The following FGGY variants were observed in gnomAD, a reference collection of about 807,000 sequenced individuals.
The protein encoded by FGGY is FGGY carbohydrate kinase domain-containing protein.
Under a neutral mutation model 71.3 loss-of-function variants are expected in FGGY, and 72 were observed. The observed-to-expected ratio is 1.01, with a 90% CI of 0.84 to 1.23. The LOEUF is 1.23. Among genes scored for constraint, FGGY ranks in the 50% most tolerant of loss-of-function variants. FGGY has a pLI of 0.00. For synonymous variants in FGGY, 251 were observed against 250.3 expected (o/e 1.00, Z -0.02); for missense variants, 668 against 682.3 (o/e 0.98, Z 0.23).
chr1:59,373,182 C>T (rs867311205), intron 4 of FGGY, among the ~76,000 whole-genome samples: 3,822 of 150,646 alleles, frequency 0.025, 178 homozygotes, highest in African/African-American at 0.089. Flanking sequence ...GCCCAAAATC[C>T]CCTTAAGCTG....
At chr1:59,438,407 G>T (rs565260853) in intron 5 of FGGY, among the ~76,000 whole-genome samples, 4 of 152,262 alleles carry the variant, frequency 2.6e-5, no homozygotes, top group African/African-American at 9.6e-5. Flanking sequence ...TACAAATTCT[G>T]CAGAATTAGC....
chr1:59,329,894 A>T (rs115766161), intron 2 of FGGY, among the ~76,000 whole-genome samples: 1 of 152,218 alleles, frequency 6.6e-6, no homozygotes, highest in East Asian at 1.9e-4. Flanking sequence ...ATTATACTGA[A>T]CAGCACAGAT....
intron 5 of FGGY, among the ~76,000 whole-genome samples, chr1:59,451,737 G>GT (rs775072742): frequency 1.4e-4 from 21 of 151,664 alleles, no homozygotes; most frequent in Non-Finnish European, 2.8e-4. Flanking sequence ...TGTTGAAAAT[G>GT]TTTTTTTTGC....
chr1:59,590,082 G>T (rs866398040), intron 8 of FGGY, among the ~76,000 whole-genome samples: 2 of 151,798 alleles, frequency 1.3e-5, no homozygotes, highest in Non-Finnish European at 2.9e-5. Context: ...TCAAATAGAC[G>T]CAATAAAAAA....
chr1:59,671,278 G>A (rs1445333448), intron 13 of FGGY, among the ~76,000 whole-genome samples: 2 of 152,248 alleles, frequency 1.3e-5, no homozygotes, highest in Non-Finnish European at 2.9e-5. Flanking sequence ...AGGTTAACCG[G>A]AGGGAAGTTG....
chr1:59,584,903 T>G (rs984901310), intron 8 of FGGY, among the ~76,000 whole-genome samples: 11 of 139,670 alleles, frequency 7.9e-5, no homozygotes, highest in Non-Finnish European at 1.5e-4. Context: ...AAATCTTGAG[T>G]GAACTCCCAT....
At chr1:59,596,514 G>A (rs1004073427) in intron 8 of FGGY, among the ~76,000 whole-genome samples, 1 of 151,602 alleles carries the variant, frequency 6.6e-6, no homozygotes, top group African/African-American at 2.4e-5. Context: ...GTCAGATTTG[G>A]GTCTAAGTCT....
At chr1:59,369,737 A>G (rs1325971702) in intron 4 of FGGY, among the ~76,000 whole-genome samples, 5 of 152,218 alleles carry the variant, frequency 3.3e-5, no homozygotes, top group Non-Finnish European at 7.3e-5. Context: ...ATGATCAGAC[A>G]GCAGCATTCA....
intron 14 of FGGY, among the ~76,000 whole-genome samples, chr1:59,696,677 G>A (rs1255802480): frequency 6.6e-6 from 1 of 152,258 alleles, no homozygotes; most frequent in East Asian, 1.9e-4. Context: ...TCATCTCTCT[G>A]TCTAGCCCCC....
chr1:59,410,425 G>A (rs1480736090), intron 5 of FGGY, among the ~76,000 whole-genome samples: 4 of 152,146 alleles, frequency 2.6e-5, no homozygotes, highest in South Asian at 4.1e-4. Context: ...CACACTACTA[G>A]TAAGTGGAGG....
At chr1:59,622,308 A>G (rs1572221751) in intron 9 of FGGY, among the ~76,000 whole-genome samples, 1 of 152,100 alleles carries the variant, frequency 6.6e-6, no homozygotes, top group Non-Finnish European at 1.5e-5. Flanking sequence ...GTGTTCACTA[A>G]GTGGCTTTTC....
In FGGY at chr1:59,456,981, G is replaced by A. The variant is rs1476978682; in HGVS notation, c.575G>A (p.Cys192Tyr). 2.5e-6 allele frequency: 4 copies of A among 1,613,754 alleles called. No individual in the cohort carries two copies. Among genetic ancestry groups the A allele is most frequent in the Admixed American group, 3.3e-5 (2 of 60,028 alleles). ...CTTAGGTCTCTCTGCTCCCTGGTGT[G>A]TAAGTGGACATATTCAGCAGAGAAA... ...VTARSLCSLVCKWTYSAEKGW... is the reference protein window; with the variant it reads ...VTARSLCSLVYKWTYSAEKGW... Residue 192 changes from cysteine to tyrosine, a missense_variant, in exon 6 of 16, where the codon TGT (cysteine) becomes TAT (tyrosine). Cys to Tyr is a radical substitution (Grantham distance 194). Coordinates refer to ENST00000303721, the MANE Select transcript of FGGY (RefSeq NM_018291.5).
At chr1:59,482,558 A>G (rs1046783575) in intron 6 of FGGY, among the ~76,000 whole-genome samples, 12 of 135,590 alleles carry the variant, frequency 8.9e-5, no homozygotes, top group African/African-American at 3.3e-4. Flanking sequence ...ATGTGTGTCT[A>G]TGTGTATATA....
chr1:59,338,435 A>C (rs2050024864), intron 2 of FGGY, among the ~76,000 whole-genome samples: 1 of 152,148 alleles, frequency 6.6e-6, no homozygotes, highest in Non-Finnish European at 1.5e-5. Flanking sequence ...AATGTTTGAT[A>C]AAATTTCCCA....
chr1:59,451,830 C>A (rs1199782849), intron 5 of FGGY, among the ~76,000 whole-genome samples: 1 of 152,078 alleles, frequency 6.6e-6, no homozygotes, highest in Admixed American at 6.5e-5. Context: ...ATTCTAGTGT[C>A]TTCTACATTC....
intron 5 of FGGY, among the ~76,000 whole-genome samples, chr1:59,400,541 T>A (rs2061821502): frequency 6.7e-6 from 1 of 148,976 alleles, no homozygotes; most frequent in Middle Eastern, 3.2e-3. Context: ...AACAATTCTG[T>A]TTTGTTTTTT....
intron 4 of FGGY, among the ~76,000 whole-genome samples, chr1:59,366,298 A>G (rs1384068895): frequency 6.6e-6 from 1 of 152,208 alleles, no homozygotes; most frequent in Non-Finnish European, 1.5e-5. Context: ...CCGTTAAACA[A>G]GTCCTCATCT....
chr1:59,405,723 C>A (rs940249371), intron 5 of FGGY, among the ~76,000 whole-genome samples: 2 of 152,042 alleles, frequency 1.3e-5, no homozygotes, highest in Non-Finnish European at 2.9e-5. Context: ...TTTAGCCTAC[C>A]CCCCAGTCGA....
intron 4 of FGGY, among the ~76,000 whole-genome samples, chr1:59,367,110 G>T (rs17119347): frequency 6.6e-6 from 1 of 152,130 alleles, no homozygotes; most frequent in Admixed American, 6.5e-5. Flanking sequence ...CTTTAATAAA[G>T]GAATGGAATG....
Sources: gnomAD v4.1 joint callset for allele counts (sites outside exome capture counted in the v4.1 genomes callset) on GRCh38, gnomAD v4.1.1 for gene constraint, MANE v1.5 for transcripts, NCBI Gene and HGNC (gene_info 2026-07-23, HGNC 2026-07-21) for gene names.